Variants in WASHC2C observed in about 807,000 individuals in gnomAD.
The protein encoded by WASHC2C is WASH complex subunit 2C, also known as Vaccinia Penetration Factor.
Under a neutral mutation model 142.2 loss-of-function variants are expected in WASHC2C, and 73 were observed. That is an observed-to-expected ratio of 0.51 (90% CI 0.43 to 0.62). The LOEUF (loss-of-function observed/expected upper bound fraction) is 0.62. Ranked by LOEUF, WASHC2C falls within the 20% of genes least tolerant of loss-of-function variation. The pLI, the probability that WASHC2C is intolerant of heterozygous loss-of-function variation, is 0.00. For missense variants in WASHC2C, 969 were observed against 1,531.7 expected (o/e 0.63, Z 6.13); for synonymous variants, 337 against 565.5 (o/e 0.60, Z 5.73).
In WASHC2C at chr10:45,765,789, G is replaced by A. The variant is rs781847617; in HGVS notation, c.1848G>A (p.Leu616=). ...TCTCCAAAAAGAAAGCATCTGCCCT[G>A]TTGTTCAGCAGTGATGAGGAGGTGA... The part of the protein sequence containing the change: ...SELSKKKASA[L]LFSSDEEDQW... Residue 616 remains leucine (L), a synonymous_variant, in exon 19 of 31, where the codon CTG becomes CTA. Coordinates refer to ENST00000623400, the MANE Select transcript of WASHC2C (RefSeq NM_001330074.2). 9.3e-6 allele frequency: 15 copies of A among 1,611,804 alleles called. No homozygotes were observed. The highest frequency in any genetic ancestry group is 1.3e-5 in the Non-Finnish European group (15 of 1,179,770).
At chr10:45,790,300 G>A (rs2058325565) in intron 29 of WASHC2C, 56 bp from the exon 30 acceptor site, 3 of 1,609,218 alleles carry the variant, frequency 1.9e-6, no homozygotes, top group Non-Finnish European at 2.5e-6. Flanking sequence ...ACGTGTTTGA[G>A]TTTAAAAAGA....
At chr10:45,773,892 CAAAAAAAAAAA>C (rs71023148) in intron 21 of WASHC2C, among the ~76,000 whole-genome samples, 1 of 31,078 alleles carries the variant, frequency 3.2e-5, no homozygotes, top group Admixed American at 4.0e-4. Context: ...TACTGCAGGC[CAAAAAAAAAAA>C]AAAAAAAAAA....
intron 11 of WASHC2C, among the ~76,000 whole-genome samples, chr10:45,751,963 C>G (rs530855373): frequency 6.6e-5 from 10 of 151,688 alleles, no homozygotes; most frequent in South Asian, 6.3e-4. Context: ...GGTGATGGTG[C>G]GAGACTCCAT....
At chr10:45,790,124 T>C (rs1458146091) in intron 29 of WASHC2C, among the ~76,000 whole-genome samples, 1 of 152,182 alleles carries the variant, frequency 6.6e-6, no homozygotes, top group Non-Finnish European at 1.5e-5. Flanking sequence ...GGTGCTCCTT[T>C]AGGCAGGACT....
At chr10:45,772,964 A>G (rs2056732178) in intron 20 of WASHC2C, among the ~76,000 whole-genome samples, 1 of 151,174 alleles carries the variant, frequency 6.6e-6, no homozygotes, top group South Asian at 2.1e-4. Context: ...GGGAAGGCTC[A>G]GGCATCGTGT....
rs2058252487 is a variant in WASHC2C, at chr10:45,789,178, C to T, written c.3395C>T (p.Ser1132Phe). 4.3e-6 allele frequency: 7 copies of T among 1,612,068 alleles called. No individual in the cohort carries two copies. Among genetic ancestry groups the T allele is most frequent in the African/African-American group, 2.7e-5 (2 of 74,990 alleles). ...AGAGGGGAGGCTGACCTTTTTGATT[C>T]TGGGGACATTTTTTCCACGGGCACT... is the stretch of plus-strand genomic sequence containing the variant. ...HSRGEADLFD[S>F]GDIFSTGTGS... The change falls in exon 29 of 31, where the codon TCT becomes TTT. Residue 1132 changes from serine to phenylalanine, a missense_variant. Physicochemically the swap from Ser to Phe is radical, Grantham distance 155. Coordinates refer to ENST00000623400, the MANE Select transcript of WASHC2C (RefSeq NM_001330074.2).
At chr10:45,733,469 A>G (rs555971990) in intron 3 of WASHC2C, among the ~76,000 whole-genome samples, 50 of 152,090 alleles carry the variant, frequency 3.3e-4, no homozygotes, top group Admixed American at 3.0e-3. Context: ...AGCAATACCA[A>G]AGATATTTAA....
chr10:45,748,389 A>G (rs2053120449), intron 8 of WASHC2C, among the ~76,000 whole-genome samples: 1 of 145,524 alleles, frequency 6.9e-6, no homozygotes, highest in Admixed American at 7.4e-5. Flanking sequence ...TCCTCGGTTC[A>G]AGTGATTCTC....
chr10:45,748,491 T>A (rs2053133692), intron 8 of WASHC2C, among the ~76,000 whole-genome samples: 1 of 152,218 alleles, frequency 6.6e-6, no homozygotes, highest in African/African-American at 2.4e-5. Flanking sequence ...GGTATCGCCA[T>A]GTTGGCGCGG....
chr10:45,746,682 C>A (rs1554871261), intron 8 of WASHC2C, 35 bp downstream of exon 8: 1 of 1,610,096 alleles, frequency 6.2e-7, no homozygotes, highest in South Asian at 1.1e-5. Flanking sequence ...TTTGTTTTTA[C>A]ATTTTAATTG....
chr10:45,734,511 T>C (rs1313657564), intron 3 of WASHC2C, among the ~76,000 whole-genome samples: 5 of 151,682 alleles, frequency 3.3e-5, no homozygotes, highest in African/African-American at 1.2e-4. Context: ...CTTCTAATAT[T>C]AAATGTTATT....
At position 45,768,524 on chromosome 10, in the gene WASHC2C, T is replaced by G. The variant is rs1300832736; in HGVS notation, c.1870-925T>G. ...TCTGCTGCTGGCTTGTGGACTCCAG[T>G]TTGGTTTGCAAGACTCTAGACTCCA... On this transcript the variant is annotated intron_variant, in intron 19 of 30. Transcript: ENST00000623400. 2.0e-5 allele frequency among the ~76,000 whole-genome samples: 3 copies of G among 152,052 alleles called. No homozygotes were observed. In the East Asian group the frequency reaches 5.8e-4, roughly 29 times the overall value.
Position 45,786,663 on chromosome 10 carries a change from G to C in WASHC2C, c.2863G>C (p.Gly955Arg). Residue 955 changes from glycine to arginine, a missense_variant, in exon 27 of 31, where the codon GGG becomes CGG. Transcript: ENST00000623400. ...AACCAAAGAACCATCCACTCGGATC[G>C]GGAAGATACAAGTAATTAAAACACT... Reference protein sequence around the residue: ...FKTKEPSTRIGKIQANLAINP... With the variant: ...FKTKEPSTRIRKIQANLAINP... The C allele has an allele frequency of 6.2e-7, 1 of 1,611,752 alleles. No homozygotes were observed. Among genetic ancestry groups the C allele is most frequent in the South Asian group, 1.1e-5 (1 of 90,986 alleles).
intron 27 of WASHC2C, 37 bp downstream of exon 27, chr10:45,786,711 T>C: frequency 6.2e-7 from 1 of 1,611,694 alleles, no homozygotes; most frequent in South Asian, 1.1e-5. Flanking sequence ...GCCTGCCCTG[T>C]GGCATCTATA....
chr10:45,754,337 T>C (rs2053979787), intron 13 of WASHC2C, 149 bp from the exon 14 acceptor site: 2 of 1,511,558 alleles, frequency 1.3e-6, no homozygotes, highest in Non-Finnish European at 1.8e-6. Context: ...AAGAAAATAC[T>C]AAGGAATTTT....
At chr10:45,758,093 G>T (rs1336667052) in intron 16 of WASHC2C, among the ~76,000 whole-genome samples, 2 of 151,484 alleles carry the variant, frequency 1.3e-5, no homozygotes, top group Admixed American at 1.3e-4. Flanking sequence ...CCAGCCACTT[G>T]TCTTGTAGAA....
chr10:45,769,103 T>C, intron 19 of WASHC2C, among the ~76,000 whole-genome samples: 1 of 152,174 alleles, frequency 6.6e-6, no homozygotes, highest in Non-Finnish European at 1.5e-5. Flanking sequence ...TTTTATAATC[T>C]AAATTGCCAT....
At chr10:45,766,357 A>G (rs2055821495) in intron 19 of WASHC2C, among the ~76,000 whole-genome samples, 1 of 150,596 alleles carries the variant, frequency 6.6e-6, no homozygotes, top group Non-Finnish European at 1.5e-5. Flanking sequence ...CATTCTCTGC[A>G]TCTTTACAAA....
Position 45,746,606 on chromosome 10 carries a change from G to C in WASHC2C, c.691G>C (p.Asp231His). 6.2e-7 allele frequency: 1 copy of C among 1,613,566 alleles called. No homozygotes were observed. Among genetic ancestry groups the C allele is most frequent in the Non-Finnish European group, 8.5e-7 (1 of 1,179,632 alleles). Reference protein sequence around the residue: ...TEEEKEEEESDEDFAHHSDNE... With the variant: ...TEEEKEEEESHEDFAHHSDNE... ...CCTTTTCTTACCCATAAAGGAGTCA[G>C]ATGAAGATTTTGCCCATCACAGTGA... Residue 231 changes from aspartate to histidine, a missense_variant, in exon 8 of 31, where the codon GAT (aspartate) becomes CAT (histidine). Physicochemically the swap from Asp to His is moderately conservative, Grantham distance 81 (BLOSUM62 -1). Transcript: ENST00000623400.
Sources: gnomAD v4.1 joint callset for allele counts (sites outside exome capture counted in the v4.1 genomes callset) on GRCh38, gnomAD v4.1.1 for gene constraint, MANE v1.5 for transcripts, NCBI Gene and HGNC (gene_info 2026-07-23, HGNC 2026-07-21) for gene names.